Variants in ANKRD39 observed in about 807,000 individuals in gnomAD.
ANKRD39 encodes the protein ankyrin repeat domain 39.
A neutral mutation model predicts 20.3 loss-of-function variants in ANKRD39; 18 were observed. The observed-to-expected ratio is 0.89, with a 90% CI of 0.61 to 1.32. The LOEUF (loss-of-function observed/expected upper bound fraction) is 1.32, where lower values mean the gene tolerates loss of function less well. ANKRD39 is among the 40% of genes most tolerant of loss of function. The pLI, the probability that ANKRD39 is intolerant of heterozygous loss-of-function variation, is 0.00. For missense variants in ANKRD39, 243 were observed against 250.7 expected (o/e 0.97, Z 0.21); for synonymous variants, 106 against 111.9 (o/e 0.95, Z 0.33).
chr2:96,857,791 G>A, intron 1 of ANKRD39, 97 bp downstream of exon 1: 6 of 1,305,618 alleles, frequency 4.6e-6, no homozygotes, highest in Non-Finnish European at 6.3e-6. Flanking sequence ...CAAGCCCCAA[G>A]CTCTCGGGGC....
At chr2:96,854,573 C>T in intron 1 of ANKRD39, 132 bp from the exon 2 acceptor site, 1 of 847,330 alleles carries the variant, frequency 1.2e-6, no homozygotes, top group Non-Finnish European at 1.9e-6. Flanking sequence ...AACCGAGCAC[C>T]TCCTCTGTGT....
chr2:96,855,068 C>T (rs1051079706), intron 1 of ANKRD39, among the ~76,000 whole-genome samples: 1 of 152,220 alleles, frequency 6.6e-6, no homozygotes, highest in Non-Finnish European at 1.5e-5. Flanking sequence ...AAGAGACAAT[C>T]AGCAAATATA....
Position 96,854,442 on chromosome 2 carries a change from C to T in ANKRD39, c.101-1G>A. The T allele has an allele frequency of 6.2e-7, 1 of 1,614,114 alleles. No homozygotes were observed. Among genetic ancestry groups the T allele is most frequent in the Non-Finnish European group, 8.5e-7 (1 of 1,179,988 alleles). ...CCATTCAGGGCTGCCGACCAGATTC[C>T]TGCAGAAAGGCAACCAAAGGACTGA... On this transcript the variant is annotated splice_acceptor_variant, in intron 1 of 3. Transcript: ENST00000393537. LOFTEE classifies it high-confidence loss of function.
chr2:96,850,781 T>C (rs1574134738), intron 3 of ANKRD39, among the ~76,000 whole-genome samples: 2 of 152,274 alleles, frequency 1.3e-5, no homozygotes, highest in South Asian at 4.1e-4. Flanking sequence ...CACCTAACTA[T>C]GGGTAACACC....
At chr2:96,853,376 T>C (rs1380611223) in intron 3 of ANKRD39, 25 bp downstream of exon 3, 1 of 1,552,694 alleles carries the variant, frequency 6.4e-7, no homozygotes, top group Non-Finnish European at 8.7e-7. Flanking sequence ...GGAAACGACA[T>C]TTTTGGAAGG....
rs200007178 is a variant in ANKRD39 at position 96,848,483 on chromosome 2, C to G, written c.409-39G>C. 313 of 1,610,694 alleles carry G rather than the reference C, an allele frequency of 1.9e-4. 2 individuals are homozygous for G. The African/African-American group carries it at 2.8e-3, about 14-fold the overall frequency. Reference sequence around the variant, plus strand: ...GGCTGGAATCAAAGGGCATACCCCCCCACTGGGCTCTGCTCTCTCTTGTTC... The same window carrying G: ...GGCTGGAATCAAAGGGCATACCCCCGCACTGGGCTCTGCTCTCTCTTGTTC... On this transcript the variant is annotated intron_variant, in intron 3 of 3. Transcript: ENST00000393537.
rs759950256 is a variant in ANKRD39, at chr2:96,848,386, A to G, written c.467T>C (p.Leu156Pro). 2 of 1,614,190 alleles carry G rather than the reference A, an allele frequency of 1.2e-6. No homozygotes were observed. Among genetic ancestry groups the G allele is most frequent in the South Asian group, 2.2e-5 (2 of 91,088 alleles). The change falls in exon 4 of 4, where the codon CTG becomes CCG. Residue 156 changes from leucine (L) to proline (P), a missense_variant. Physicochemically the swap from Leu to Pro is moderately conservative, Grantham distance 98. Coordinates refer to ENST00000393537, the MANE Select transcript of ANKRD39 (RefSeq NM_016466.6). ...CSLLLQHSPA[L>P]KAIRDRKARL... ...TGCCTTTCGGTCCCGGATGGCCTTCAGGGCTGGGCTGTGTTGCAGGAGGAG... is the reference window on the plus strand; with the variant it reads ...TGCCTTTCGGTCCCGGATGGCCTTCGGGGCTGGGCTGTGTTGCAGGAGGAG...
chr2:96,856,794 A>G (rs958066229), intron 1 of ANKRD39, among the ~76,000 whole-genome samples: 42 of 152,210 alleles, frequency 2.8e-4, no homozygotes, highest in Admixed American at 8.5e-4. Flanking sequence ...ATCTGAAGAA[A>G]AGCATCAGCT....
At chr2:96,851,931 C>G (rs1271979232) in intron 3 of ANKRD39, among the ~76,000 whole-genome samples, 1 of 152,144 alleles carries the variant, frequency 6.6e-6, no homozygotes, top group Non-Finnish European at 1.5e-5. Flanking sequence ...TAGCTCATGC[C>G]TGTAATCCCA....
intron 3 of ANKRD39, among the ~76,000 whole-genome samples, chr2:96,852,267 G>A (rs1387562984): frequency 1.3e-5 from 2 of 151,046 alleles, no homozygotes; most frequent in African/African-American, 4.9e-5. Flanking sequence ...GGCATGTATA[G>A]TCCCAGCTAC....
chr2:96,852,329 G>A (rs997757514), intron 3 of ANKRD39, among the ~76,000 whole-genome samples: 2 of 146,130 alleles, frequency 1.4e-5, no homozygotes, highest in Non-Finnish European at 3.0e-5. Flanking sequence ...CGGGGCTGCA[G>A]TGAGTTATAA....
chr2:96,852,944 G>T (rs2079845505), intron 3 of ANKRD39, among the ~76,000 whole-genome samples: 1 of 152,158 alleles, frequency 6.6e-6, no homozygotes, highest in East Asian at 1.9e-4. Flanking sequence ...ACACCTCAAA[G>T]GACGGGCCTA....
At chr2:96,849,784 C>A (rs2079827751) in intron 3 of ANKRD39, among the ~76,000 whole-genome samples, 1 of 152,194 alleles carries the variant, frequency 6.6e-6, no homozygotes, top group Non-Finnish European at 1.5e-5. Context: ...AGCCAAAGTG[C>A]CTGGCCAGGA....
chr2:96,857,259 A>G (rs536760490), intron 1 of ANKRD39, among the ~76,000 whole-genome samples: 1 of 152,314 alleles, frequency 6.6e-6, no homozygotes, highest in East Asian at 1.9e-4. Flanking sequence ...GCAAGGGCAG[A>G]TGACACAGCA....
In ANKRD39 at chr2:96,858,012, G is replaced by T. The variant is rs921610387; in HGVS notation, c.-25C>A. The T allele has an allele frequency of 6.6e-7, 1 of 1,508,298 alleles. No individual in the cohort carries two copies. The highest frequency in any genetic ancestry group is 8.8e-7 in the Non-Finnish European group (1 of 1,132,942). 93.4% of individuals were successfully genotyped at this position (1,508,298 alleles called of 1,614,324 possible). A position where few individuals can be genotyped will look rare whatever the true frequency, so the allele number is the denominator to read the frequency against. ...TCCCGGCCCCGGCGTCAGTCGATCC[G>T]CCCCGGGTCTCAGGCTCAGCCTCGG... On this transcript the variant is annotated 5_prime_UTR_variant, in exon 1 of 4. Transcript: ENST00000393537.
intron 3 of ANKRD39, 98 bp from the exon 4 acceptor site, chr2:96,848,542 CCT>C (rs1351206726): frequency 2.7e-6 from 4 of 1,494,080 alleles, no homozygotes; most frequent in Admixed American, 4.0e-5. Context: ...AAAAAAGAGG[CCT>C]CTCTGGGCGC....
At chr2:96,852,744 G>A (rs1426362600) in intron 3 of ANKRD39, among the ~76,000 whole-genome samples, 1 of 152,098 alleles carries the variant, frequency 6.6e-6, no homozygotes, top group African/African-American at 2.4e-5. Flanking sequence ...TGCCACATAT[G>A]CATAGACCGC....
intron 3 of ANKRD39, among the ~76,000 whole-genome samples, chr2:96,849,846 C>T (rs1025596513): frequency 6.6e-6 from 1 of 152,142 alleles, no homozygotes; most frequent in Non-Finnish European, 1.5e-5. Context: ...GTGTTCTCTT[C>T]TTCTCTTTTA....
chr2:96,849,759 G>T (rs899859140), intron 3 of ANKRD39, among the ~76,000 whole-genome samples: 1 of 152,154 alleles, frequency 6.6e-6, no homozygotes, highest in South Asian at 2.1e-4. Flanking sequence ...CCAAAGTGCT[G>T]GGATTATAGG....
Sources: allele counts gnomAD v4.1 joint callset (sites outside exome capture counted in the v4.1 genomes callset), GRCh38; gene constraint gnomAD v4.1.1; transcripts MANE v1.5; gene names NCBI Gene and HGNC (gene_info 2026-07-23, HGNC 2026-07-21).